SH3RF3: variants seen among roughly 807,000 people sequenced by gnomAD.
SH3RF3 encodes E3 ubiquitin-protein ligase SH3RF3.
A neutral mutation model predicts 66.3 loss-of-function variants in SH3RF3; 29 were observed. The ratio of observed to expected loss-of-function variants is 0.44; its 90% CI spans 0.33 to 0.60. The LOEUF (loss-of-function observed/expected upper bound fraction) is 0.60. SH3RF3 is among the 20% of genes least tolerant of loss of function. The probability of loss-of-function intolerance (pLI) is 0.04; values close to 1 mark genes in which losing one functional copy is unlikely to be tolerated. For synonymous variants in SH3RF3, 583 were observed against 532.0 expected, an observed-to-expected ratio of 1.10 and a Z score of -1.32; for missense variants, 1,194 against 1,190.9, an observed-to-expected ratio of 1.00 and a Z score of -0.04.
At chr2:109,444,286 ATGT>A (rs373934649) in intron 7 of SH3RF3, among the ~76,000 whole-genome samples, 167 of 152,350 alleles carry the variant, frequency 1.1e-3, no homozygotes, top group African/African-American at 3.9e-3. Context: ...AGTTTATGTG[ATGT>A]TGTTGTAAAG....
chr2:109,363,354 A>G (rs1171735214), intron 2 of SH3RF3, among the ~76,000 whole-genome samples: 3 of 152,260 alleles, frequency 2.0e-5, no homozygotes, highest in Admixed American at 6.5e-5. Flanking sequence ...TAACAAAATA[A>G]TACTTATTTC....
Position 109,449,223 on chromosome 2 carries a change from C to T in SH3RF3, c.1882C>T (p.Leu628=), listed in dbSNP as rs780648900. 8 of 1,613,646 alleles carry T rather than the reference C, an allele frequency of 5.0e-6. No homozygotes were observed. The highest frequency in any genetic ancestry group is 5.9e-6 in the Non-Finnish European group (7 of 1,179,818). Residue 628 remains leucine (L), a synonymous_variant, in exon 8 of 10, where the codon CTG becomes TTG. Coordinates refer to ENST00000309415, the MANE Select transcript of SH3RF3 (RefSeq NM_001099289.3). The stretch of plus-strand genomic sequence containing the variant: ...CCGGCCAACTGCCACCGTGTCACCC[C>T]TGCGCACCCAGAACTCTCCATCCCG... ...QDRPTATVSP[L]RTQNSPSRLP...
In SH3RF3 at chr2:109,378,006, C is replaced by T. The variant is rs79767314; in HGVS notation, c.945+6325C>T. Among the ~76,000 whole-genome samples the T allele has an allele frequency of 5.0e-3, 756 of 152,354 alleles. 4 individuals are homozygous for T. The highest frequency in any genetic ancestry group is 0.014 in the Middle Eastern group (4 of 294). The stretch of plus-strand genomic sequence containing the variant: ...ACTACCTCAAAGTAGTGAGCAGCTC[C>T]GCCGTGTTGGATTTGCCATTTTACC... On this transcript the variant is annotated intron_variant, in intron 3 of 9. Transcript: ENST00000309415.
chr2:109,246,351 A>G (rs1006095283), intron 1 of SH3RF3, among the ~76,000 whole-genome samples: 3 of 152,134 alleles, frequency 2.0e-5, no homozygotes, highest in African/African-American at 7.2e-5. Flanking sequence ...GTGTCCTCCC[A>G]TGGTAGAGGG....
At chr2:109,378,140 T>G (rs113295995) in intron 3 of SH3RF3, among the ~76,000 whole-genome samples, 4,929 of 152,260 alleles carry the variant, frequency 0.032, 189 homozygotes, top group African/African-American at 0.086. Flanking sequence ...GTATCCCAGG[T>G]GCTGAACTGA....
intron 1 of SH3RF3, among the ~76,000 whole-genome samples, chr2:109,265,759 TA>T (rs1289121405): frequency 2.6e-5 from 4 of 152,076 alleles, no homozygotes; most frequent in Non-Finnish European, 5.9e-5. Context: ...ATGTTTAATT[TA>T]AAAAAAGAGA....
intron 1 of SH3RF3, among the ~76,000 whole-genome samples, chr2:109,329,833 A>T (rs1682244904): frequency 6.6e-6 from 1 of 152,214 alleles, no homozygotes; most frequent in Admixed American, 6.5e-5. Flanking sequence ...CAGTTTTGTA[A>T]GGTTTGGAAC....
chr2:109,445,114 A>G (rs1474218925), intron 7 of SH3RF3, among the ~76,000 whole-genome samples: 1 of 152,226 alleles, frequency 6.6e-6, no homozygotes, highest in Non-Finnish European at 1.5e-5. Flanking sequence ...GAAATTGGAA[A>G]GCCATACAGA....
chr2:109,291,963 A>T (rs1015385376), intron 1 of SH3RF3, among the ~76,000 whole-genome samples: 9 of 152,194 alleles, frequency 5.9e-5, no homozygotes, highest in African/African-American at 1.9e-4. Flanking sequence ...TCTCAAGTTC[A>T]CGCCATTCTT....
At chr2:109,368,708 T>TAAAA (rs372666198) in intron 2 of SH3RF3, among the ~76,000 whole-genome samples, 83 of 136,804 alleles carry the variant, frequency 6.1e-4, no homozygotes, top group South Asian at 1.9e-3. Context: ...GTATTTTCTT[T>TAAAA]AAAAAAAAAA....
intron 4 of SH3RF3, among the ~76,000 whole-genome samples, chr2:109,408,279 A>C (rs1034813831): frequency 2.0e-5 from 3 of 152,184 alleles, no homozygotes; most frequent in Non-Finnish European, 4.4e-5. Context: ...GTAAAGCAGG[A>C]GGAAACCAGG....
chr2:109,487,770 A>G (rs1679021276), intron 8 of SH3RF3, among the ~76,000 whole-genome samples: 1 of 151,988 alleles, frequency 6.6e-6, no homozygotes, highest in Non-Finnish European at 1.5e-5. Flanking sequence ...CTCTCTACTC[A>G]GGGGCCAGAA....
At chr2:109,179,569 A>G (rs921716770) in intron 1 of SH3RF3, among the ~76,000 whole-genome samples, 1 of 152,208 alleles carries the variant, frequency 6.6e-6, no homozygotes, top group Non-Finnish European at 1.5e-5. Flanking sequence ...GTCCAAGAAC[A>G]TGGTACTGGC....
At chr2:109,499,051 C>CT (rs1426556667) in intron 9 of SH3RF3, among the ~76,000 whole-genome samples, 1 of 152,192 alleles carries the variant, frequency 6.6e-6, no homozygotes, top group African/African-American at 2.4e-5. Context: ...CTGGAGCCCT[C>CT]TGAGCCTTTG....
intron 2 of SH3RF3, among the ~76,000 whole-genome samples, chr2:109,350,304 G>A (rs1401042139): frequency 6.6e-5 from 10 of 152,216 alleles, no homozygotes; most frequent in Admixed American, 4.6e-4. Context: ...AGCCACGGGA[G>A]GCCCAGCATC....
Position 109,235,484 on chromosome 2 carries a change from G to A in SH3RF3, c.573+105371G>A, listed in dbSNP as rs188944010. 8.1e-4 allele frequency among the ~76,000 whole-genome samples: 123 copies of A among 152,344 alleles called. 2 individuals carry two copies. The highest frequency in any genetic ancestry group is 1.7e-3 in the East Asian group (9 of 5,186). Reference sequence around the variant, plus strand: ...GGGGCCCTATTAACCCTCATGCCAGGACAACAGGTGTGGGTGGCACATGGG... The same window carrying A: ...GGGGCCCTATTAACCCTCATGCCAGAACAACAGGTGTGGGTGGCACATGGG... On this transcript the variant is annotated intron_variant, in intron 1 of 9. Coordinates refer to ENST00000309415, the MANE Select transcript of SH3RF3 (RefSeq NM_001099289.3).
At position 109,398,888 on chromosome 2, in the gene SH3RF3, G is replaced by A. The variant is rs778176714; in HGVS notation, c.1244G>A (p.Arg415Gln). The A allele has an allele frequency of 6.2e-6, 10 of 1,613,666 alleles. No individual in the cohort carries two copies. Among genetic ancestry groups the A allele is most frequent in the South Asian group, 5.5e-5 (5 of 91,064 alleles). The change falls in exon 4 of 10, where the codon CGA becomes CAA. Residue 415 changes from arginine to glutamine, a missense_variant. Arg to Gln is a conservative substitution (Grantham distance 43). Coordinates refer to ENST00000309415, the MANE Select transcript of SH3RF3 (RefSeq NM_001099289.3). ...APVLISSSDP[R>Q]AAARIGDLAH... The stretch of plus-strand genomic sequence containing the variant: ...GTGTTGATCAGCTCCAGCGATCCCC[G>A]AGCCGCGGCCAGGATTGGAGACCTT...
intron 1 of SH3RF3, among the ~76,000 whole-genome samples, chr2:109,203,079 G>A (rs1476406692): frequency 2.0e-5 from 3 of 152,158 alleles, no homozygotes; most frequent in Admixed American, 6.5e-5. Context: ...CAGAAGCTCC[G>A]TCGAGCCTGG....
At chr2:109,307,983 C>T (rs1681638885) in intron 1 of SH3RF3, among the ~76,000 whole-genome samples, 1 of 140,670 alleles carries the variant, frequency 7.1e-6, no homozygotes, top group Non-Finnish European at 1.5e-5. Flanking sequence ...GTTCTAGATC[C>T]CTGAGGAATC....
Sources: allele counts gnomAD v4.1 joint callset (sites outside exome capture counted in the v4.1 genomes callset), GRCh38; gene constraint gnomAD v4.1.1; transcripts MANE v1.5; gene names NCBI Gene and HGNC (gene_info 2026-07-23, HGNC 2026-07-21).